Variants in SEPTIN9 observed in about 807,000 individuals in gnomAD.
SEPTIN9 encodes septin 9.
Under a neutral mutation model 56.6 loss-of-function variants are expected in SEPTIN9, and 13 were observed. The ratio of observed to expected loss-of-function variants is 0.23; its 90% CI spans 0.15 to 0.37. SEPTIN9 has a LOEUF of 0.37. Among genes scored for constraint, SEPTIN9 ranks in the 10% least tolerant of loss-of-function variants. The pLI is 1.00. For missense variants in SEPTIN9, 650 were observed against 823.1 expected (o/e 0.79, Z 2.57); for synonymous variants, 332 against 334.1 (o/e 0.99, Z 0.07).
At chr17:77,287,100 G>A (rs1267372051) in intron 1 of SEPTIN9, among the ~76,000 whole-genome samples, 1 of 152,234 alleles carries the variant, frequency 6.6e-6, no homozygotes, top group Admixed American at 6.5e-5. Flanking sequence ...TCAGTCTCCG[G>A]GAGAGTCCTT....
chr17:77,399,233 T>C (rs2035825000), intron 2 of SEPTIN9, among the ~76,000 whole-genome samples: 1 of 152,162 alleles, frequency 6.6e-6, no homozygotes, highest in Non-Finnish European at 1.5e-5. Context: ...GAGTTGGCCA[T>C]GGTGGGGGTG....
At chr17:77,287,821 C>T in intron 1 of SEPTIN9, 6 of 943,174 alleles carry the variant, frequency 6.4e-6, no homozygotes, top group Non-Finnish European at 7.7e-6. Flanking sequence ...TGACTGTTGG[C>T]AGCCTGAAAA....
intron 3 of SEPTIN9, among the ~76,000 whole-genome samples, chr17:77,423,422 C>T (rs312889): frequency 0.069 from 10,439 of 152,270 alleles, 932 homozygotes; most frequent in East Asian, 0.2. Flanking sequence ...TAGGAACCGG[C>T]GAGGCATCTC....
intron 1 of SEPTIN9, chr17:77,294,946 A>G (rs1598477417): frequency 6.6e-6 from 1 of 152,226 alleles, no homozygotes; most frequent in Non-Finnish European, 1.5e-5. Context: ...CCACACCGGG[A>G]TAGCGAGCAG....
intron 3 of SEPTIN9, among the ~76,000 whole-genome samples, chr17:77,464,959 C>T (rs907775208): frequency 2.0e-5 from 3 of 152,160 alleles, no homozygotes; most frequent in Non-Finnish European, 4.4e-5. Context: ...TTCATCATCC[C>T]CAAAAGAGAC....
At chr17:77,348,761 C>T (rs1360432635) in intron 2 of SEPTIN9, among the ~76,000 whole-genome samples, 1 of 152,174 alleles carries the variant, frequency 6.6e-6, no homozygotes, top group African/African-American at 2.4e-5. Context: ...GGTTCATTTA[C>T]CACTTTCCAT....
chr17:77,408,671 G>A (rs552514783), intron 3 of SEPTIN9, among the ~76,000 whole-genome samples: 11 of 152,038 alleles, frequency 7.2e-5, no homozygotes, highest in Non-Finnish European at 1.3e-4. Context: ...GAGCCTGAGT[G>A]GGGGGTGGGG....
At chr17:77,346,876 G>A (rs111855404) in intron 2 of SEPTIN9, among the ~76,000 whole-genome samples, 260 of 152,278 alleles carry the variant, frequency 1.7e-3, no homozygotes, top group African/African-American at 6.0e-3. Flanking sequence ...CAGAGTCATC[G>A]TGAATGGGAT....
chr17:77,487,450 T>C lies in SEPTIN9; in HGVS notation c.940T>C (p.Leu314=). ...VGQSGLGKST[L]INTLFKSKIS... ...GCAGAGCGGCTTGGGTAAATCCACCTTAATCAACACCCTCTTCAAATCCAA... is the reference window on the plus strand; with the variant it reads ...GCAGAGCGGCTTGGGTAAATCCACCCTAATCAACACCCTCTTCAAATCCAA... Residue 314 remains leucine, a synonymous_variant, in exon 5 of 12, where the codon TTA becomes CTA. Transcript: ENST00000427177. This position sits in a 1 kb window ranked among gnomAD's most constrained non-coding sequence, Gnocchi z 4.3. 1.2e-6 allele frequency: 2 copies of C among 1,607,356 alleles called. No individual in the cohort carries two copies. Among genetic ancestry groups the C allele is most frequent in the Non-Finnish European group, 1.7e-6 (2 of 1,177,478 alleles).
intron 2 of SEPTIN9, among the ~76,000 whole-genome samples, chr17:77,392,561 T>C (rs1385903089): frequency 6.6e-6 from 1 of 152,030 alleles, no homozygotes; most frequent in Non-Finnish European, 1.5e-5. Flanking sequence ...GCTGGCCTCC[T>C]GCGGACTGGG....
chr17:77,308,848 G>A (rs536237427), intron 2 of SEPTIN9, among the ~76,000 whole-genome samples: 15 of 152,350 alleles, frequency 9.8e-5, no homozygotes, highest in Non-Finnish European at 1.8e-4. Flanking sequence ...GAGTGGAGGG[G>A]ATGCCGTGTC....
chr17:77,454,043 C>T, intron 3 of SEPTIN9: 2 of 956,656 alleles, frequency 2.1e-6, no homozygotes, highest in Non-Finnish European at 2.5e-6. Flanking sequence ...TCCGCCCTCT[C>T]TCCCTGGCCG....
Position 77,371,254 on chromosome 17 carries a change from G to A in SEPTIN9, c.77-30805G>A, listed in dbSNP as rs575923158. ...TCTGAGCACAGTCACGAAGGCATGC[G>A]CACTTTCTGGCTGCTCTCCTGCCAT... On this transcript the variant is annotated intron_variant, in intron 2 of 11. Coordinates refer to ENST00000427177, the MANE Select transcript of SEPTIN9 (RefSeq NM_001113491.2). This position sits in a 1 kb window ranked among gnomAD's most constrained non-coding sequence, Gnocchi z 4.1. Among the ~76,000 whole-genome samples the A allele has an allele frequency of 2.0e-5, 3 of 152,336 alleles. No homozygotes were observed. Among genetic ancestry groups the A allele is most frequent in the Non-Finnish European group, 4.4e-5 (3 of 68,032 alleles).
chr17:77,468,830 G>A (rs943987785), intron 3 of SEPTIN9, among the ~76,000 whole-genome samples: 2 of 146,078 alleles, frequency 1.4e-5, no homozygotes, highest in African/African-American at 5.4e-5. Context: ...GCTGTGAGAT[G>A]TGTTGGGTTA....
intron 3 of SEPTIN9, among the ~76,000 whole-genome samples, chr17:77,470,470 TCACCCACCCATCCACTCATC>T (rs1423962716): frequency 6.7e-6 from 1 of 150,034 alleles, no homozygotes; most frequent in Non-Finnish European, 1.5e-5. Flanking sequence ...ACTCATCCAC[TCACCCACCCATCCACTCATC>T]CACCCATTCA....
intron 3 of SEPTIN9, among the ~76,000 whole-genome samples, chr17:77,481,590 C>CA (rs1198968621): frequency 4.6e-5 from 7 of 152,044 alleles, no homozygotes; most frequent in African/African-American, 1.7e-4. Flanking sequence ...GGCGGGGACA[C>CA]ACGCTGGTTC....
intron 3 of SEPTIN9, among the ~76,000 whole-genome samples, chr17:77,465,622 T>C (rs1302731959): frequency 1.1e-5 from 1 of 93,374 alleles, no homozygotes; most frequent in Non-Finnish European, 2.1e-5. Flanking sequence ...CAGGGATGGG[T>C]GGGGCTGGGG....
At position 77,348,927 on chromosome 17, in the gene SEPTIN9, C is replaced by T. The variant is rs148644047; in HGVS notation, c.76+41730C>T. Among the ~76,000 whole-genome samples the T allele has an allele frequency of 4.5e-4, 69 of 152,246 alleles. No individual in the cohort carries two copies. In the East Asian group the frequency reaches 0.011, roughly 25 times the overall value. On this transcript the variant is annotated intron_variant, in intron 2 of 11. Transcript: ENST00000427177. Reference sequence around the variant, plus strand: ...CTATTTGCCCATGTATTTGCTATATCCTGTGCTCTTCATTCCTTCCTGAAG... The same window carrying T: ...CTATTTGCCCATGTATTTGCTATATTCTGTGCTCTTCATTCCTTCCTGAAG...
In SEPTIN9 at chr17:77,319,502, CG is replaced by C. The variant is rs1567991088; in HGVS notation, c.76+12309del. The C allele has an allele frequency of 2.6e-5, 27 of 1,026,858 alleles. No homozygotes were observed. In the South Asian group the frequency reaches 1.0e-3, roughly 39 times the overall value. The allele number at this position is 1,026,858 out of a possible 1,614,324, so 63.6% of individuals were successfully genotyped here. ...GTCCCGTTCGCCCTCTCTGCCTGGG[CG>C]GGGACGGCAACTGCCTCTGTCACTG... is the stretch of plus-strand genomic sequence containing the variant. On this transcript the variant is annotated intron_variant, in intron 2 of 11. Transcript: ENST00000427177. This position sits in a 1 kb window ranked among gnomAD's most constrained non-coding sequence, Gnocchi z 5.3.
Sources: gnomAD v4.1 joint callset for allele counts (sites outside exome capture counted in the v4.1 genomes callset) on GRCh38, gnomAD v4.1.1 for gene constraint, Gnocchi (gnomAD v3.1) non-coding constraint, MANE v1.5 for transcripts, NCBI Gene and HGNC (gene_info 2026-07-23, HGNC 2026-07-21) for gene names.